The following CADM2 variants were observed in gnomAD, a reference collection of about 807,000 sequenced individuals.
The protein encoded by CADM2 is cell adhesion molecule 2.
In CADM2, 12 loss-of-function variants were observed where a neutral mutation model predicts 49.8. The ratio of observed to expected loss-of-function variants is 0.24; its 90% confidence interval spans 0.15 to 0.39. CADM2 has a LOEUF of 0.39. Among genes scored for constraint, CADM2 ranks in the 10% least tolerant of loss-of-function variants. The pLI is 1.00. For missense variants in CADM2, 378 were observed against 492.3 expected (o/e 0.77, Z 2.20); for synonymous variants, 214 against 175.4 (o/e 1.22, Z -1.74).
intron 1 of CADM2, among the ~76,000 whole-genome samples, chr3:85,026,640 C>G (rs1438598558): frequency 1.3e-5 from 2 of 152,066 alleles, no homozygotes; most frequent in Non-Finnish European, 2.9e-5. Context: ...AATAAGTCAG[C>G]AAAGCTAATT....
intron 1 of CADM2, among the ~76,000 whole-genome samples, chr3:85,405,043 C>T (rs566852070): frequency 4.7e-4 from 71 of 152,192 alleles, no homozygotes; most frequent in Middle Eastern, 3.4e-3. Flanking sequence ...TAAGAAGTCA[C>T]TAACTGTTGG....
At chr3:85,540,813 A>G (rs1009004033) in intron 1 of CADM2, among the ~76,000 whole-genome samples, 2 of 152,158 alleles carry the variant, frequency 1.3e-5, no homozygotes, top group South Asian at 2.1e-4. Flanking sequence ...TACAAGATCA[A>G]TGTGTCAGCA....
chr3:85,618,740 ATTT>A (rs1428827296), intron 1 of CADM2, among the ~76,000 whole-genome samples: 1 of 152,070 alleles, frequency 6.6e-6, no homozygotes, highest in African/African-American at 2.4e-5. Flanking sequence ...TGTATAATTT[ATTT>A]TTATTTTTTA....
intron 1 of CADM2, among the ~76,000 whole-genome samples, chr3:85,483,275 G>T: frequency 6.6e-6 from 1 of 151,192 alleles, no homozygotes; most frequent in East Asian, 1.9e-4. Context: ...ATGTTACCTG[G>T]TAAGTTTTAA....
chr3:85,205,506 C>T (rs1246616116), intron 1 of CADM2, among the ~76,000 whole-genome samples: 1 of 151,846 alleles, frequency 6.6e-6, no homozygotes, highest in South Asian at 2.1e-4. Context: ...TGAATTTTTA[C>T]ATCGAGATAG....
At chr3:85,976,215 C>A (rs887119925) in intron 8 of CADM2, among the ~76,000 whole-genome samples, 1 of 151,470 alleles carries the variant, frequency 6.6e-6, no homozygotes, top group Non-Finnish European at 1.5e-5. Flanking sequence ...CCACCCTGTA[C>A]CATATTTGAT....
At chr3:85,288,787 C>CCCCG (rs1406053855) in intron 1 of CADM2, among the ~76,000 whole-genome samples, 1 of 107,236 alleles carries the variant, frequency 9.3e-6, no homozygotes, top group Non-Finnish European at 1.8e-5. Flanking sequence ...CCAATATGCC[C>CCCCG]CCCCCCCCTC....
chr3:85,889,259 T>C (rs1025775195), intron 5 of CADM2, among the ~76,000 whole-genome samples: 2 of 152,220 alleles, frequency 1.3e-5, no homozygotes, highest in Non-Finnish European at 1.5e-5. Context: ...TAAAAGTCAC[T>C]TGAAAGTGCT....
intron 2 of CADM2, among the ~76,000 whole-genome samples, chr3:85,794,699 T>A (rs1190019354): frequency 6.6e-6 from 1 of 152,110 alleles, no homozygotes; most frequent in East Asian, 1.9e-4. Flanking sequence ...AAGCTCTCGA[T>A]GATATGACCA....
intron 1 of CADM2, among the ~76,000 whole-genome samples, chr3:85,379,929 A>G (rs1434781163): frequency 3.3e-5 from 5 of 152,026 alleles, no homozygotes; most frequent in African/African-American, 1.2e-4. Flanking sequence ...CATCTTTTGA[A>G]AAATGCACAT....
At chr3:85,741,440 C>A (rs971795021) in intron 2 of CADM2, among the ~76,000 whole-genome samples, 5 of 151,944 alleles carry the variant, frequency 3.3e-5, no homozygotes, top group African/African-American at 1.2e-4. Context: ...AAGGCCGGGG[C>A]GGGGGGATCA....
chr3:85,659,185 C>T (rs922073227), intron 1 of CADM2, among the ~76,000 whole-genome samples: 1 of 151,630 alleles, frequency 6.6e-6, no homozygotes, highest in Non-Finnish European at 1.5e-5. Context: ...GTCTTACACT[C>T]ATGGGAATAT....
intron 8 of CADM2, among the ~76,000 whole-genome samples, chr3:85,971,832 A>G (rs1726184677): frequency 6.6e-6 from 1 of 151,672 alleles, no homozygotes; most frequent in Non-Finnish European, 1.5e-5. Context: ...TTATTCATGA[A>G]GTTTTCTTGT....
chr3:85,817,916 T>C (rs2073316338), intron 3 of CADM2, among the ~76,000 whole-genome samples: 1 of 152,110 alleles, frequency 6.6e-6, no homozygotes, highest in Non-Finnish European at 1.5e-5. Context: ...TATCAGAATG[T>C]GTTTTGAGAT....
At chr3:85,711,316 G>A (rs891419036) in intron 1 of CADM2, among the ~76,000 whole-genome samples, 1 of 152,030 alleles carries the variant, frequency 6.6e-6, no homozygotes, top group African/African-American at 2.4e-5. Flanking sequence ...GGAGAATATA[G>A]AGAAAATCGC....
At chr3:85,771,626 G>C (rs1399520398) in intron 2 of CADM2, among the ~76,000 whole-genome samples, 1 of 152,004 alleles carries the variant, frequency 6.6e-6, no homozygotes, top group Non-Finnish European at 1.5e-5. Flanking sequence ...GAAGCCGCTA[G>C]GTAGGAATGA....
At chr3:85,196,866 G>A (rs1204024378) in intron 1 of CADM2, among the ~76,000 whole-genome samples, 1 of 151,972 alleles carries the variant, frequency 6.6e-6, no homozygotes, top group Non-Finnish European at 1.5e-5. Context: ...GGTAGACAAA[G>A]ACCATCTTGC....
At chr3:85,629,733 A>C (rs114212554) in intron 1 of CADM2, among the ~76,000 whole-genome samples, 1,940 of 152,142 alleles carry the variant, frequency 0.013, 41 homozygotes, top group African/African-American at 0.044. Flanking sequence ...CCCATAAGTC[A>C]GCCAAGGTCT....
intron 1 of CADM2, among the ~76,000 whole-genome samples, chr3:85,488,116 T>G (rs537808522): frequency 2.6e-5 from 4 of 152,242 alleles, no homozygotes; most frequent in South Asian, 4.1e-4. Context: ...AATAAAGAAA[T>G]AAAATTTTTC....
Sources: allele counts gnomAD v4.1 joint callset (sites outside exome capture counted in the v4.1 genomes callset), GRCh38; gene constraint gnomAD v4.1.1; transcripts MANE v1.5; gene names NCBI Gene and HGNC (gene_info 2026-07-23, HGNC 2026-07-21).